Variants in DMGDH observed in about 807,000 individuals in gnomAD.
DMGDH encodes the protein dimethylglycine dehydrogenase.
DMGDH carries 76 observed loss-of-function variants against 95.2 expected under a neutral mutation model. That is an observed-to-expected ratio of 0.80 (90% CI 0.66 to 0.97). The LOEUF (loss-of-function observed/expected upper bound fraction) is 0.97. Among genes scored for constraint, DMGDH ranks in the 50% least tolerant of loss-of-function variants. The pLI is 0.00. For missense variants in DMGDH, 987 were observed against 1,055.0 expected, an observed-to-expected ratio of 0.94 and a Z score of 0.89; for synonymous variants, 345 against 377.6, an observed-to-expected ratio of 0.91 and a Z score of 1.00.
intron 5 of DMGDH, among the ~76,000 whole-genome samples, chr5:79,045,663 G>A (rs1754651197): frequency 6.6e-6 from 1 of 152,192 alleles, no homozygotes; most frequent in Non-Finnish European, 1.5e-5. Flanking sequence ...TTTGGGGGCA[G>A]GGAGTTCTAT....
intron 8 of DMGDH, 103 bp from the exon 9 acceptor site, chr5:79,032,943 A>G: frequency 7.6e-7 from 1 of 1,313,548 alleles, no homozygotes; most frequent in East Asian, 2.3e-5. Flanking sequence ...ATCCAGATGC[A>G]TAAACATACA....
intron 14 of DMGDH, chr5:79,020,693 T>C: frequency 3.1e-6 from 3 of 982,040 alleles, no homozygotes; most frequent in African/African-American, 3.5e-5. Flanking sequence ...TTACATTTTA[T>C]TCTGTTTCTA....
intron 14 of DMGDH, among the ~76,000 whole-genome samples, chr5:79,010,620 A>G (rs1001214469): frequency 2.0e-5 from 3 of 151,992 alleles, no homozygotes; most frequent in African/African-American, 7.3e-5. Flanking sequence ...TTGAGCCCCC[A>G]CTGTCCATAC....
intron 9 of DMGDH, among the ~76,000 whole-genome samples, 183 bp downstream of exon 9, chr5:79,032,504 G>T (rs886530978): frequency 6.6e-6 from 1 of 152,208 alleles, no homozygotes; most frequent in Non-Finnish European, 1.5e-5. Flanking sequence ...TCCTAGATGT[G>T]GGCCAGTGTC....
intron 7 of DMGDH, among the ~76,000 whole-genome samples, chr5:79,040,434 C>G (rs1754478781): frequency 6.6e-6 from 1 of 152,204 alleles, no homozygotes; most frequent in Non-Finnish European, 1.5e-5. Context: ...GGACACCTAC[C>G]TCACGTCATA....
chr5:79,047,005 C>T (rs192334029), intron 5 of DMGDH, among the ~76,000 whole-genome samples: 1 of 152,258 alleles, frequency 6.6e-6, no homozygotes, highest in East Asian at 1.9e-4. Flanking sequence ...CACTATATTA[C>T]TTCAAATCCC....
chr5:79,035,712 A>G (rs1754329236), intron 7 of DMGDH, among the ~76,000 whole-genome samples: 1 of 132,846 alleles, frequency 7.5e-6, no homozygotes, highest in Non-Finnish European at 1.6e-5. Context: ...AAATGGGCAG[A>G]GTGCTGTTAT....
intron 14 of DMGDH, among the ~76,000 whole-genome samples, chr5:79,018,817 T>C (rs749648868): frequency 2.0e-5 from 3 of 152,184 alleles, no homozygotes; most frequent in Admixed American, 6.5e-5. Context: ...AGAAACAAAG[T>C]ACTGTTTCAT....
At position 79,033,326 on chromosome 5, in the gene DMGDH, C is replaced by CT. The variant is rs1754247451; in HGVS notation, c.1275dup (p.Glu426ArgfsTer5). Reference sequence around the variant, plus strand: ...TTGCCATAGCGATTAGGATCCAATTCTATCAGATCAAAAGGAGGTTCTCCA... The same window carrying CT: ...TTGCCATAGCGATTAGGATCCAATTCTTATCAGATCAAAAGGAGGTTCTCCA... On this transcript the variant is annotated frameshift_variant, in exon 8 of 16. Coordinates refer to ENST00000255189, the MANE Select transcript of DMGDH (RefSeq NM_013391.3). LOFTEE classifies it high-confidence loss of function. The CT allele has an allele frequency of 6.2e-7, 1 of 1,614,064 alleles. No homozygotes were observed. Among genetic ancestry groups the CT allele is most frequent in the Non-Finnish European group, 8.5e-7 (1 of 1,180,046 alleles).
chr5:79,021,628 T>C, intron 14 of DMGDH: 1 of 1,318,002 alleles, frequency 7.6e-7, no homozygotes, highest in Non-Finnish European at 1.0e-6. Flanking sequence ...TGATGGCCCA[T>C]CTGCTCACCC....
chr5:79,059,155 G>A (rs1207855166), intron 2 of DMGDH, among the ~76,000 whole-genome samples: 2 of 152,220 alleles, frequency 1.3e-5, no homozygotes, highest in African/African-American at 4.8e-5. Context: ...ATACTGTGTA[G>A]AAAAGCTTTT....
intron 1 of DMGDH, among the ~76,000 whole-genome samples, chr5:79,066,181 A>G (rs1007842694): frequency 1.3e-5 from 2 of 152,210 alleles, no homozygotes; most frequent in Non-Finnish European, 2.9e-5. Flanking sequence ...GTCAGAGATC[A>G]AATCCAGGAT....
intron 5 of DMGDH, among the ~76,000 whole-genome samples, chr5:79,045,676 G>T (rs746200124): frequency 6.6e-6 from 1 of 152,164 alleles, no homozygotes; most frequent in Non-Finnish European, 1.5e-5. Flanking sequence ...AGTTCTATTT[G>T]CTTGTTTGTT....
chr5:79,042,352 G>A lies in DMGDH; in HGVS notation c.1124C>T (p.Ser375Phe). The change falls in exon 7 of 16, where the codon TCT becomes TTT. Residue 375 changes from serine (S) to phenylalanine (F), a missense_variant. Ser to Phe is a radical substitution (Grantham distance 155, BLOSUM62 -2). Coordinates refer to ENST00000255189, the MANE Select transcript of DMGDH (RefSeq NM_013391.3). ...INVVNGPITYSPDILPMVGPH... is the reference protein window; with the variant it reads ...INVVNGPITYFPDILPMVGPH... ...CCCCACCATAGGCAGAATGTCAGGA[G>A]AATACGTGATAGGACCATTGACAAC... 6.2e-7 allele frequency: 1 copy of A among 1,614,224 alleles called. No homozygotes were observed. Among genetic ancestry groups the A allele is most frequent in the South Asian group, 1.1e-5 (1 of 91,082 alleles).
At position 79,042,513 on chromosome 5, in the gene DMGDH, C is replaced by T. The variant is rs191874211; in HGVS notation, c.995-32G>A. On this transcript the variant is annotated intron_variant, in intron 6 of 15. Transcript: ENST00000255189. ...AGATTTGCCCTTGTGGTCAGGATGC[C>T]GTAGCTGAGCTGACAAGTCCTGTAA... is the stretch of plus-strand genomic sequence containing the variant. 3.6e-5 allele frequency: 58 copies of T among 1,605,486 alleles called. 1 individual carries two copies. The Admixed American group carries it at 4.2e-4, about 12-fold the overall frequency.
chr5:79,008,614 T>G (rs1342648942), intron 14 of DMGDH, among the ~76,000 whole-genome samples: 6 of 152,138 alleles, frequency 3.9e-5, no homozygotes, highest in Non-Finnish European at 4.4e-5. Context: ...GGGGCAGAGC[T>G]AGGCGAGGGT....
rs1400502363 is a variant in DMGDH, at chr5:79,044,448, A to C, written c.850T>G (p.Leu284Val). The C allele has an allele frequency of 6.2e-7, 1 of 1,614,092 alleles. No individual in the cohort carries two copies. The highest frequency in any genetic ancestry group is 2.2e-5 in the East Asian group (1 of 44,898). ...CGGAGCACAGGCAGTTCTCGTTTCA[A>C]AGCTTTCACTTCAGATATAGTCGAT... is the stretch of plus-strand genomic sequence containing the variant. ...VTSTISEVKA[L>V]KRELPVLRDL... Residue 284 changes from leucine to valine, a missense_variant, in exon 6 of 16, where the codon TTG becomes GTG. Transcript: ENST00000255189.
At chr5:79,010,196 A>C (rs888051645) in intron 14 of DMGDH, among the ~76,000 whole-genome samples, 3 of 152,210 alleles carry the variant, frequency 2.0e-5, no homozygotes, top group African/African-American at 7.2e-5. Context: ...CATTAGCTCT[A>C]TTAAAGGAAC....
At chr5:78,998,342 C>T (rs757110949) in intron 15 of DMGDH, 45 bp from the exon 16 acceptor site, 5 of 1,561,900 alleles carry the variant, frequency 3.2e-6, no homozygotes, top group Non-Finnish European at 4.4e-6. Context: ...GGTCACAGCT[C>T]TGTGCTCCTC....
Sources: allele counts gnomAD v4.1 joint callset (sites outside exome capture counted in the v4.1 genomes callset), GRCh38; gene constraint gnomAD v4.1.1; transcripts MANE v1.5; gene names NCBI Gene and HGNC (gene_info 2026-07-23, HGNC 2026-07-21).